Variants in ROBO1 observed in about 807,000 individuals in gnomAD.
ROBO1 encodes roundabout guidance receptor 1.
Under a neutral mutation model 195.9 loss-of-function variants are expected in ROBO1, and 149 were observed. The observed-to-expected ratio is 0.76, with a 90% confidence interval of 0.67 to 0.87. The LOEUF is 0.87. Among genes scored for constraint, ROBO1 ranks in the 40% least tolerant of loss-of-function variants. The pLI, the probability that ROBO1 is intolerant of heterozygous loss-of-function variation, is 0.00. For synonymous variants in ROBO1, 816 were observed against 733.2 expected (o/e 1.11, Z -1.82); for missense variants, 1,933 against 2,068.3 (o/e 0.93, Z 1.27).
intron 3 of ROBO1, among the ~76,000 whole-genome samples, chr3:79,046,948 C>A (rs1363087428): frequency 2.0e-5 from 3 of 152,054 alleles, no homozygotes; most frequent in Non-Finnish European, 4.4e-5. Context: ...TGTTATGCAG[C>A]AATAGATAAC....
intron 2 of ROBO1, among the ~76,000 whole-genome samples, chr3:79,311,512 C>A (rs1451452219): frequency 6.6e-6 from 1 of 152,028 alleles, no homozygotes; most frequent in East Asian, 1.9e-4. Context: ...AAGCTATTTT[C>A]TCCACTAGTA....
chr3:78,992,502 T>C lies in ROBO1; in HGVS notation c.173-53575A>G, dbSNP rs113119019. ...CCTGAGTAGAAGCAGACCCTGGCAATGGCAGGAAATATGCAGTGCTTGATG... is the reference window on the plus strand; with the variant it reads ...CCTGAGTAGAAGCAGACCCTGGCAACGGCAGGAAATATGCAGTGCTTGATG... On this transcript the variant is annotated intron_variant, in intron 3 of 30. Transcript: ENST00000464233. Among the ~76,000 whole-genome samples the C allele has an allele frequency of 6.9e-3, 1,055 of 152,298 alleles. 11 individuals are homozygous for C. The highest frequency in any genetic ancestry group is 0.022 in the African/African-American group (897 of 41,572).
At chr3:78,870,565 G>C (rs1299017764) in intron 4 of ROBO1, among the ~76,000 whole-genome samples, 2 of 152,136 alleles carry the variant, frequency 1.3e-5, no homozygotes, top group African/African-American at 2.4e-5. Flanking sequence ...GACAGAAATT[G>C]GTAGGAATAA....
At chr3:79,287,667 C>A (rs2031971438) in intron 2 of ROBO1, among the ~76,000 whole-genome samples, 1 of 152,130 alleles carries the variant, frequency 6.6e-6, no homozygotes, top group Non-Finnish European at 1.5e-5. Flanking sequence ...TTATGAACTA[C>A]AATCCTGTTC....
chr3:78,838,783 A>G (rs767261128), intron 4 of ROBO1, among the ~76,000 whole-genome samples: 3 of 152,026 alleles, frequency 2.0e-5, no homozygotes, highest in East Asian at 1.9e-4. Context: ...GCCTATCACT[A>G]TTTTCAGTTC....
At chr3:78,671,412 T>G (rs72906825) in intron 10 of ROBO1, among the ~76,000 whole-genome samples, 4,168 of 152,098 alleles carry the variant, frequency 0.027, 183 homozygotes, top group African/African-American at 0.095. Context: ...CAAAGAAAGA[T>G]TCTAAGTTGC....
chr3:79,481,577 A>T (rs1395025374), intron 2 of ROBO1, among the ~76,000 whole-genome samples: 4 of 152,176 alleles, frequency 2.6e-5, no homozygotes, highest in African/African-American at 9.6e-5. Context: ...AATATGCCTT[A>T]TAAACAAATG....
chr3:78,896,113 CA>C (rs2037211396), intron 4 of ROBO1, among the ~76,000 whole-genome samples: 1 of 152,152 alleles, frequency 6.6e-6, no homozygotes, highest in Non-Finnish European at 1.5e-5. Context: ...TCATAATACT[CA>C]AACAATTCTC....
chr3:79,203,479 T>C (rs1406768252), intron 2 of ROBO1, among the ~76,000 whole-genome samples: 3 of 152,214 alleles, frequency 2.0e-5, no homozygotes, highest in East Asian at 3.9e-4. Context: ...TTCAGTAGAC[T>C]GGCTCTTTAT....
chr3:79,087,278 A>G (rs2079388316), intron 3 of ROBO1, among the ~76,000 whole-genome samples: 2 of 152,110 alleles, frequency 1.3e-5, no homozygotes, highest in Non-Finnish European at 1.5e-5. Context: ...AGAAATTATA[A>G]TGTCTTGATA....
intron 2 of ROBO1, among the ~76,000 whole-genome samples, chr3:79,453,287 A>G (rs1403760509): frequency 6.6e-6 from 1 of 152,082 alleles, no homozygotes; most frequent in Non-Finnish European, 1.5e-5. Context: ...ATTGCCAAGT[A>G]GGACATTATT....
chr3:79,169,571 T>G lies in ROBO1; in HGVS notation c.89-44032A>C, dbSNP rs370661149. ...TAATCAATGTAAAATATAGTAATAT[T>G]CCATGACTGAAGATTATTGTTGAAA... On this transcript the variant is annotated intron_variant, in intron 2 of 30. Transcript: ENST00000464233. Among the ~76,000 whole-genome samples the G allele has an allele frequency of 4.6e-5, 7 of 152,282 alleles. No homozygotes were observed. In the South Asian group the frequency reaches 1.2e-3, roughly 27 times the overall value.
intron 3 of ROBO1, among the ~76,000 whole-genome samples, chr3:79,071,968 G>A (rs916754881): frequency 2.6e-5 from 4 of 151,882 alleles, no homozygotes; most frequent in Non-Finnish European, 5.9e-5. Flanking sequence ...TACTGAAACT[G>A]CTCACTCTCT....
intron 2 of ROBO1, among the ~76,000 whole-genome samples, chr3:79,454,171 C>T (rs575851311): frequency 2.0e-5 from 3 of 148,360 alleles, no homozygotes; most frequent in Admixed American, 6.8e-5. Context: ...CAGAGCTTGC[C>T]ACAGAGAGTT....
chr3:78,714,216 C>T (rs752076556), intron 8 of ROBO1, among the ~76,000 whole-genome samples, 181 bp downstream of exon 8: 17 of 152,122 alleles, frequency 1.1e-4, no homozygotes, highest in Non-Finnish European at 1.5e-4. Flanking sequence ...TTTCCTGTAA[C>T]ACTTACAGAG....
chr3:78,654,822 CA>C (rs1370325096), intron 18 of ROBO1, among the ~76,000 whole-genome samples: 1 of 151,904 alleles, frequency 6.6e-6, no homozygotes, highest in South Asian at 2.1e-4. Flanking sequence ...ATTTATCTTC[CA>C]AAAAACAGAA....
intron 3 of ROBO1, among the ~76,000 whole-genome samples, chr3:79,040,072 C>T (rs756916432): frequency 2.6e-4 from 40 of 152,026 alleles, no homozygotes; most frequent in Non-Finnish European, 5.4e-4. Flanking sequence ...AAGTTACAAC[C>T]AATCAGAGAA....
chr3:79,440,324 C>T (rs2039011748), intron 2 of ROBO1, among the ~76,000 whole-genome samples: 1 of 152,110 alleles, frequency 6.6e-6, no homozygotes, highest in South Asian at 2.1e-4. Flanking sequence ...ACTTCCAACA[C>T]TCACTGCCAC....
intron 3 of ROBO1, among the ~76,000 whole-genome samples, chr3:79,110,621 CTT>C (rs397877079): frequency 7.3e-4 from 93 of 127,744 alleles, no homozygotes; most frequent in Admixed American, 6.5e-4. Context: ...AGGGAAATAA[CTT>C]TTTTTTTTTT....
Sources: allele counts gnomAD v4.1 joint callset (sites outside exome capture counted in the v4.1 genomes callset), GRCh38; gene constraint gnomAD v4.1.1; transcripts MANE v1.5; gene names NCBI Gene and HGNC (gene_info 2026-07-23, HGNC 2026-07-21).